The following PCDH15 variants were observed in gnomAD, a reference collection of about 807,000 sequenced individuals.
The protein encoded by PCDH15 is protocadherin-15.
PCDH15 carries 129 observed loss-of-function variants against 178.5 expected under a neutral mutation model. The ratio of observed to expected loss-of-function variants is 0.72; its 90% CI spans 0.63 to 0.84. The LOEUF (loss-of-function observed/expected upper bound fraction) is 0.84, where lower values mean the gene tolerates loss of function less well. Among genes scored for constraint, PCDH15 ranks in the 40% least tolerant of loss-of-function variants. PCDH15 has a pLI of 0.00. For missense variants in PCDH15, 2,230 were observed against 2,099.9 expected (o/e 1.06, Z -1.21); for synonymous variants, 800 against 732.0 (o/e 1.09, Z -1.50).
At chr10:55,298,357 G>A (rs1022386685) in intron 1 of PCDH15, among the ~76,000 whole-genome samples, 2 of 152,144 alleles carry the variant, frequency 1.3e-5, no homozygotes, top group Non-Finnish European at 2.9e-5. Context: ...CTCAGCTGCA[G>A]GAATATTCCT....
chr10:53,982,947 C>T (rs1187751194), intron 21 of PCDH15, among the ~76,000 whole-genome samples: 1 of 152,036 alleles, frequency 6.6e-6, no homozygotes, highest in Non-Finnish European at 1.5e-5. Context: ...CTTACTCAGG[C>T]TCACATTGTT....
chr10:53,987,136 G>A (rs1589777504), intron 21 of PCDH15, among the ~76,000 whole-genome samples: 1 of 151,934 alleles, frequency 6.6e-6, no homozygotes, highest in African/African-American at 2.4e-5. Context: ...ATATAAAAAT[G>A]GAGATTTTTT....
At chr10:54,829,479 G>T (rs988636021) in intron 3 of PCDH15, among the ~76,000 whole-genome samples, 3 of 151,998 alleles carry the variant, frequency 2.0e-5, no homozygotes, top group Non-Finnish European at 2.9e-5. Context: ...TACAATACTA[G>T]CAGATAATAC....
At chr10:54,017,038 T>C (rs768663671) in intron 20 of PCDH15, among the ~76,000 whole-genome samples, 4 of 152,212 alleles carry the variant, frequency 2.6e-5, no homozygotes, top group Admixed American at 6.5e-5. Context: ...TATTTTATTT[T>C]TTGAGACGGA....
Position 54,898,492 on chromosome 10 carries a change from A to G in PCDH15, c.-79-992T>C, listed in dbSNP as rs573302512. Among the ~76,000 whole-genome samples the G allele has an allele frequency of 1.3e-3, 205 of 152,258 alleles. 1 individual carries two copies. The highest frequency in any genetic ancestry group is 2.5e-3 in the Non-Finnish European group (172 of 68,000). ...AGGAATATTCCAGGATGATAATCAC[A>G]CTATATTTTATTTATATTTCCCAGA... On this transcript the variant is annotated intron_variant, in intron 2 of 5. Coordinates refer to the PCDH15 transcript ENST00000458638.
In PCDH15 at chr10:54,207,080, A is replaced by G. The variant is rs562987800; in HGVS notation, c.1098+6856T>C. 2.6e-5 allele frequency among the ~76,000 whole-genome samples: 4 copies of G among 152,220 alleles called. No homozygotes were observed. In the East Asian group the frequency reaches 7.7e-4, roughly 29 times the overall value. On this transcript the variant is annotated intron_variant, in intron 10 of 37. Transcript: ENST00000644397. ...AGCAGTTACAGGTCACCTTGTGAGGAAGAAAAAAGGCCAAATAAAATGTCA... is the reference window on the plus strand; with the variant it reads ...AGCAGTTACAGGTCACCTTGTGAGGGAGAAAAAAGGCCAAATAAAATGTCA...
intron 25 of PCDH15, among the ~76,000 whole-genome samples, chr10:53,917,763 C>A (rs1035100386): frequency 2.0e-5 from 3 of 152,170 alleles, no homozygotes; most frequent in African/African-American, 4.8e-5. Flanking sequence ...AATGTAATCC[C>A]TAGTATTGGA....
At chr10:54,407,923 C>G (rs1405316049) in intron 3 of PCDH15, among the ~76,000 whole-genome samples, 1 of 151,680 alleles carries the variant, frequency 6.6e-6, no homozygotes, top group Non-Finnish European at 1.5e-5. Flanking sequence ...GGGGTGGTGG[C>G]TCACTCTCGT....
rs141893158 is a variant in PCDH15 at position 55,291,338 on chromosome 10, A to G, written c.-156+28261T>C. On this transcript the variant is annotated intron_variant, in intron 1 of 5. Transcript: ENST00000458638. ...TGCTTTAGAAACACCTGAATATATG[A>G]TTGAAGCAAAGGACAAGTCTTTATT... Among the ~76,000 whole-genome samples, 180 of 152,352 alleles carry G rather than the reference A, an allele frequency of 1.2e-3. 1 individual carries two copies. The highest frequency in any genetic ancestry group is 4.0e-3 in the African/African-American group (168 of 41,590).
intron 2 of PCDH15, among the ~76,000 whole-genome samples, chr10:55,352,924 T>C (rs543688434): frequency 4.6e-5 from 7 of 152,226 alleles, no homozygotes; most frequent in Admixed American, 4.6e-4. Context: ...CATCTGAAAG[T>C]ATGCTCAGCA....
chr10:54,804,928 TA>T (rs1488600597), upstream of PCDH15, among the ~76,000 whole-genome samples: 8 of 37,640 alleles, frequency 2.1e-4, no homozygotes, highest in African/African-American at 1.2e-3. Flanking sequence ...CATAGTAGAT[TA>T]TATATATATA....
At chr10:54,204,694 C>T (rs1435807829) in intron 10 of PCDH15, among the ~76,000 whole-genome samples, 1 of 152,048 alleles carries the variant, frequency 6.6e-6, no homozygotes, top group Non-Finnish European at 1.5e-5. Flanking sequence ...TACGGGCGCT[C>T]AAGTCCAAGT....
intron 2 of PCDH15, among the ~76,000 whole-genome samples, chr10:55,433,379 T>G (rs1221345129): frequency 6.6e-6 from 1 of 152,034 alleles, no homozygotes; most frequent in Non-Finnish European, 1.5e-5. Context: ...TGAATACACA[T>G]GGACACAAAG....
intron 18 of PCDH15, among the ~76,000 whole-genome samples, chr10:54,036,969 AG>A (rs1469073803): frequency 5.3e-5 from 8 of 151,926 alleles, no homozygotes; most frequent in Non-Finnish European, 1.0e-4. Flanking sequence ...GAGAGGTTCA[AG>A]AGAGGTTTAA....
chr10:55,047,663 A>G (rs1841046275), intron 2 of PCDH15, among the ~76,000 whole-genome samples: 1 of 151,754 alleles, frequency 6.6e-6, no homozygotes, highest in Non-Finnish European at 1.5e-5. Flanking sequence ...TTTATGGAGA[A>G]TGGAGAATGA....
intron 1 of PCDH15, among the ~76,000 whole-genome samples, chr10:55,312,559 T>C (rs1302671951): frequency 2.0e-5 from 3 of 152,026 alleles, no homozygotes; most frequent in Non-Finnish European, 4.4e-5. Context: ...TCTCATTGAA[T>C]ATATAAAAGG....
intron 1 of PCDH15, among the ~76,000 whole-genome samples, chr10:55,183,610 ACT>A (rs1203268498): frequency 1.3e-5 from 2 of 151,820 alleles, no homozygotes; most frequent in Non-Finnish European, 2.9e-5. Flanking sequence ...AAAAAATTAA[ACT>A]CAAAAACTAA....
intron 8 of PCDH15, among the ~76,000 whole-genome samples, chr10:54,296,144 CAAAAAAAAAAA>C (rs59721161): frequency 8.3e-5 from 4 of 48,234 alleles, no homozygotes; most frequent in African/African-American, 2.4e-4. Flanking sequence ...GACTCCGTCT[CAAAAAAAAAAA>C]AAAAAAAAAA....
intron 4 of PCDH15, among the ~76,000 whole-genome samples, chr10:54,369,563 G>A (rs988117350): frequency 5.9e-5 from 9 of 151,892 alleles, no homozygotes; most frequent in Non-Finnish European, 8.8e-5. Context: ...GGGATTAAAC[G>A]AAGTTTGCCC....
Sources: allele counts gnomAD v4.1 joint callset (sites outside exome capture counted in the v4.1 genomes callset), GRCh38; gene constraint gnomAD v4.1.1; transcripts MANE v1.5; gene names NCBI Gene and HGNC (gene_info 2026-07-23, HGNC 2026-07-21).